The following LRP1B variants were observed in gnomAD, a reference collection of about 807,000 sequenced individuals.
The protein encoded by LRP1B is low-density lipoprotein receptor-related protein 1B.
LRP1B carries 217 observed loss-of-function variants against 556.6 expected under a neutral mutation model. The ratio of observed to expected loss-of-function variants is 0.39; its 90% CI spans 0.35 to 0.44. The LOEUF (loss-of-function observed/expected upper bound fraction) is 0.44. Among genes scored for constraint, LRP1B ranks in the 20% least tolerant of loss-of-function variants. LRP1B has a pLI of 1.00. For missense variants in LRP1B, 5,053 were observed against 5,620.8 expected, an observed-to-expected ratio of 0.90 and a Z score of 3.23; for synonymous variants, 2,047 against 1,865.8, an observed-to-expected ratio of 1.10 and a Z score of -2.50.
At chr2:141,627,230 G>T (rs979723685) in intron 2 of LRP1B, among the ~76,000 whole-genome samples, 1 of 152,170 alleles carries the variant, frequency 6.6e-6, no homozygotes, top group Non-Finnish European at 1.5e-5. Context: ...GCTATGACAT[G>T]CTGTGAAAAG....
At chr2:140,708,517 T>C (rs927680376) in intron 37 of LRP1B, among the ~76,000 whole-genome samples, 2 of 146,490 alleles carry the variant, frequency 1.4e-5, no homozygotes, top group East Asian at 3.9e-4. Context: ...TATATATATA[T>C]ACACACATAT....
intron 1 of LRP1B, among the ~76,000 whole-genome samples, chr2:142,023,595 G>A (rs1392409532): frequency 6.6e-6 from 1 of 152,138 alleles, no homozygotes. Context: ...TGCTGAAGAG[G>A]CCAATGGTTG....
intron 1 of LRP1B, among the ~76,000 whole-genome samples, chr2:141,927,143 C>G (rs1044001427): frequency 2.6e-5 from 4 of 152,054 alleles, no homozygotes; most frequent in Non-Finnish European, 4.4e-5. Context: ...CTGTTGATTG[C>G]TTCTTAAAAG....
At chr2:141,170,908 T>C (rs1339640646) in intron 7 of LRP1B, among the ~76,000 whole-genome samples, 2 of 152,134 alleles carry the variant, frequency 1.3e-5, no homozygotes, top group East Asian at 1.9e-4. Context: ...GCAGAAAAGA[T>C]AGTTTTATTC....
intron 11 of LRP1B, among the ~76,000 whole-genome samples, chr2:141,026,504 C>T (rs1040136969): frequency 1.3e-5 from 2 of 151,996 alleles, no homozygotes; most frequent in African/African-American, 4.8e-5. Flanking sequence ...ATTATATTTA[C>T]AATTACCATG....
chr2:141,213,035 T>C (rs951543925), intron 6 of LRP1B, among the ~76,000 whole-genome samples: 1 of 152,152 alleles, frequency 6.6e-6, no homozygotes, highest in African/African-American at 2.4e-5. Flanking sequence ...GGTTCAATCA[T>C]GGCTCACTGC....
At chr2:141,540,474 T>C (rs556841211) in intron 2 of LRP1B, among the ~76,000 whole-genome samples, 1 of 152,144 alleles carries the variant, frequency 6.6e-6, no homozygotes, top group African/African-American at 2.4e-5. Context: ...ATTTAAATTT[T>C]TGAATTTTGA....
chr2:141,740,793 G>A (rs1022725056), intron 2 of LRP1B, among the ~76,000 whole-genome samples: 2 of 152,056 alleles, frequency 1.3e-5, no homozygotes, highest in African/African-American at 4.8e-5. Context: ...CACTGGCCTC[G>A]GAAGCCTCTG....
rs1341869589 is a variant in LRP1B, at chr2:141,590,268, GA to G, written c.206-109736del. ...GAGACTTAGATAACATGAAACATAT[GA>G]ACTAAATTGTGTTTGCCTGACATAA... On this transcript the variant is annotated intron_variant, in intron 2 of 90. Transcript: ENST00000389484. 1.2e-4 allele frequency among the ~76,000 whole-genome samples: 19 copies of G among 152,086 alleles called. 1 individual carries two copies. Among genetic ancestry groups the G allele is most frequent in the Admixed American group, 1.2e-3 (19 of 15,264 alleles).
At chr2:141,620,369 T>C (rs193195246) in intron 2 of LRP1B, among the ~76,000 whole-genome samples, 247 of 152,344 alleles carry the variant, frequency 1.6e-3, no homozygotes, top group African/African-American at 5.5e-3. Flanking sequence ...AACCATTACA[T>C]AGCTTTGATT....
intron 1 of LRP1B, among the ~76,000 whole-genome samples, chr2:141,968,747 A>G (rs1282519444): frequency 6.6e-6 from 1 of 151,736 alleles, no homozygotes; most frequent in Non-Finnish European, 1.5e-5. Context: ...GTTACTATAC[A>G]TGTGCCCCCT....
chr2:140,273,939 G>T (rs573567529), intron 85 of LRP1B, among the ~76,000 whole-genome samples: 168 of 152,018 alleles, frequency 1.1e-3, no homozygotes, highest in African/African-American at 3.4e-3. Context: ...TGTTTGCTTT[G>T]ATCATAATGT....
At chr2:142,115,490 AT>A (rs1303672303) in intron 1 of LRP1B, among the ~76,000 whole-genome samples, 3,072 of 35,816 alleles carry the variant, frequency 0.086, 397 homozygotes, top group Non-Finnish European at 0.18. Context: ...ATAATATATA[AT>A]TATATATAAT....
chr2:141,785,438 TC>T (rs1248320330), intron 2 of LRP1B, among the ~76,000 whole-genome samples: 2 of 151,906 alleles, frequency 1.3e-5, no homozygotes, highest in Non-Finnish European at 2.9e-5. Flanking sequence ...AGTTGTATGA[TC>T]ACTGCATTGG....
intron 1 of LRP1B, among the ~76,000 whole-genome samples, chr2:141,953,369 T>C (rs1301713690): frequency 6.6e-6 from 1 of 152,098 alleles, no homozygotes; most frequent in African/African-American, 2.4e-5. Flanking sequence ...GAAATGAGTA[T>C]CAGTTTCTTC....
intron 2 of LRP1B, among the ~76,000 whole-genome samples, chr2:141,727,778 G>A (rs993760235): frequency 4.0e-5 from 6 of 151,840 alleles, no homozygotes; most frequent in Non-Finnish European, 8.8e-5. Flanking sequence ...TTATATGTGT[G>A]TATATATATA....
chr2:141,683,958 T>C (rs929191832), intron 2 of LRP1B, among the ~76,000 whole-genome samples: 2 of 152,004 alleles, frequency 1.3e-5, no homozygotes, highest in African/African-American at 2.4e-5. Flanking sequence ...TTGGAGAAGA[T>C]ATGGAGAAAT....
In LRP1B at chr2:140,502,774, C is replaced by T. The variant is rs559585532; in HGVS notation, c.8662+189G>A. Among the ~76,000 whole-genome samples, 4 of 152,062 alleles carry T rather than the reference C, an allele frequency of 2.6e-5. No individual in the cohort carries two copies. The East Asian group carries it at 5.8e-4, about 22-fold the overall frequency. ...CTGCCTCAAATCTTTATATTTTTGG[C>T]ACAGACTTAAATTTCCAAAACTAGC... is the stretch of plus-strand genomic sequence containing the variant. On this transcript the variant is annotated intron_variant, in intron 54 of 90. Transcript: ENST00000389484.
At chr2:142,023,614 G>C (rs1401100077) in intron 1 of LRP1B, among the ~76,000 whole-genome samples, 1 of 152,186 alleles carries the variant, frequency 6.6e-6, no homozygotes. Flanking sequence ...TGAGAATAAA[G>C]AGAAGATATT....
Sources: gnomAD v4.1 joint callset for allele counts (sites outside exome capture counted in the v4.1 genomes callset) on GRCh38, gnomAD v4.1.1 for gene constraint, MANE v1.5 for transcripts, NCBI Gene and HGNC (gene_info 2026-07-23, HGNC 2026-07-21) for gene names.